Variants in GALNTL6 observed in about 807,000 individuals in gnomAD.
The protein encoded by GALNTL6 is polypeptide N-acetylgalactosaminyltransferase like 6, also known as polypeptide N-acetylgalactosaminyltransferase-like 6.
Under a neutral mutation model 73.7 loss-of-function variants are expected in GALNTL6, and 46 were observed. The observed-to-expected ratio is 0.62, with a 90% confidence interval of 0.49 to 0.80. GALNTL6 has a LOEUF of 0.80. Ranked by LOEUF, GALNTL6 falls within the 30% of genes least tolerant of loss-of-function variation. The pLI, the probability that GALNTL6 is intolerant of heterozygous loss-of-function variation, is 0.00. For missense variants in GALNTL6, 604 were observed against 755.0 expected (o/e 0.80, Z 2.34); for synonymous variants, 259 against 263.7 (o/e 0.98, Z 0.17).
chr4:171,884,590 A>G (rs1736556251), intron 2 of GALNTL6, among the ~76,000 whole-genome samples: 1 of 151,836 alleles, frequency 6.6e-6, no homozygotes, highest in Non-Finnish European at 1.5e-5. Context: ...GAAGATATAC[A>G]TATTCATTTC....
chr4:172,339,014 C>T (rs1741446290), intron 4 of GALNTL6, among the ~76,000 whole-genome samples: 2 of 152,110 alleles, frequency 1.3e-5, no homozygotes, highest in Admixed American at 1.3e-4. Flanking sequence ...GGTGGACACT[C>T]AGGCTGTTGA....
In GALNTL6 at chr4:172,170,484, C is replaced by G. The variant is rs547530345; in HGVS notation, c.139-59172C>G. ...AAACCTCTTCCCTTTATAAATTACC[C>G]AGTCCCTGGAAGTTTCTTTGGTGGT... is the stretch of plus-strand genomic sequence containing the variant. On this transcript the variant is annotated intron_variant, in intron 2 of 12. Coordinates refer to ENST00000506823, the MANE Select transcript of GALNTL6 (RefSeq NM_001034845.3). 3.9e-4 allele frequency among the ~76,000 whole-genome samples: 59 copies of G among 150,986 alleles called. 1 individual carries two copies. The East Asian group carries it at 0.011, about 28-fold the overall frequency.
At chr4:172,618,394 C>T (rs115377658) in intron 5 of GALNTL6, among the ~76,000 whole-genome samples, 2,390 of 152,206 alleles carry the variant, frequency 0.016, 78 homozygotes, top group African/African-American at 0.053. Context: ...AGAGTGCTTC[C>T]GTAAAAACAT....
chr4:172,026,929 C>T (rs775750052), intron 2 of GALNTL6, among the ~76,000 whole-genome samples: 4 of 152,024 alleles, frequency 2.6e-5, no homozygotes, highest in Non-Finnish European at 5.9e-5. Flanking sequence ...TCACCTTTCA[C>T]CCAGGCTGGA....
intron 5 of GALNTL6, among the ~76,000 whole-genome samples, chr4:172,383,411 A>T (rs992453203): frequency 6.6e-6 from 1 of 152,052 alleles, no homozygotes; most frequent in Non-Finnish European, 1.5e-5. Context: ...TAGACTTTTC[A>T]TTACTAATGT....
chr4:172,716,827 A>G (rs1407503762), intron 5 of GALNTL6, among the ~76,000 whole-genome samples: 2 of 152,248 alleles, frequency 1.3e-5, no homozygotes, highest in African/African-American at 2.4e-5. Context: ...AAGTCTCACT[A>G]TGGAAAAGAC....
At chr4:172,073,107 C>T (rs1159186263) in intron 2 of GALNTL6, among the ~76,000 whole-genome samples, 2 of 152,106 alleles carry the variant, frequency 1.3e-5, no homozygotes, top group Admixed American at 1.3e-4. Context: ...TGCTTGAAGT[C>T]ATCTTTTTCC....
At chr4:172,417,249 T>A (rs548385045) in intron 5 of GALNTL6, among the ~76,000 whole-genome samples, 3 of 152,076 alleles carry the variant, frequency 2.0e-5, no homozygotes, top group Non-Finnish European at 4.4e-5. Flanking sequence ...GCTGTTCTTT[T>A]TGTTTCTTTC....
At chr4:172,324,712 G>A (rs1740884675) in intron 4 of GALNTL6, among the ~76,000 whole-genome samples, 1 of 150,834 alleles carries the variant, frequency 6.6e-6, no homozygotes, top group South Asian at 2.1e-4. Context: ...AATTTCAGTG[G>A]ATTGAAGTAA....
chr4:172,950,276 C>T (rs973518927), intron 9 of GALNTL6, among the ~76,000 whole-genome samples: 5 of 152,120 alleles, frequency 3.3e-5, no homozygotes, highest in Admixed American at 6.5e-5. Context: ...GCAATGCTGA[C>T]GGGATGGTAG....
intron 2 of GALNTL6, among the ~76,000 whole-genome samples, chr4:172,136,272 A>T (rs1733633647): frequency 6.6e-6 from 1 of 152,086 alleles, no homozygotes; most frequent in South Asian, 2.1e-4. Flanking sequence ...GACTTTGTAA[A>T]ATTGGATTAA....
At chr4:172,576,552 G>A (rs533848649) in intron 5 of GALNTL6, among the ~76,000 whole-genome samples, 1 of 152,210 alleles carries the variant, frequency 6.6e-6, no homozygotes, top group South Asian at 2.1e-4. Context: ...CATTTGTTAA[G>A]CTCCATGATT....
intron 2 of GALNTL6, among the ~76,000 whole-genome samples, chr4:171,871,946 C>T (rs977021173): frequency 2.6e-5 from 4 of 152,098 alleles, no homozygotes; most frequent in Admixed American, 6.6e-5. Context: ...AGTGTTGCAC[C>T]CTCCACAATG....
intron 5 of GALNTL6, among the ~76,000 whole-genome samples, chr4:172,767,414 G>A (rs1184632409): frequency 6.6e-6 from 1 of 152,128 alleles, no homozygotes; most frequent in Non-Finnish European, 1.5e-5. Context: ...GAACTTTACT[G>A]TATTGCATGC....
intron 8 of GALNTL6, among the ~76,000 whole-genome samples, chr4:172,912,565 A>T (rs1747268260): frequency 6.6e-6 from 1 of 152,196 alleles, no homozygotes. Flanking sequence ...CCAGGAGATT[A>T]TATCCCATGC....
chr4:172,712,644 T>C (rs1734781119), intron 5 of GALNTL6, among the ~76,000 whole-genome samples: 1 of 152,148 alleles, frequency 6.6e-6, no homozygotes, highest in African/African-American at 2.4e-5. Context: ...TAAAACAAGT[T>C]ACCATGTGAG....
chr4:172,057,727 AATATATATAT>A (rs147660032), intron 2 of GALNTL6, among the ~76,000 whole-genome samples: 24 of 46,154 alleles, frequency 5.2e-4, no homozygotes, highest in African/African-American at 1.5e-3. Flanking sequence ...AAAAAAAAAA[AATATATATAT>A]ATATATATAT....
At chr4:172,897,509 G>A (rs191272691) in intron 8 of GALNTL6, among the ~76,000 whole-genome samples, 12 of 152,282 alleles carry the variant, frequency 7.9e-5, no homozygotes, top group Admixed American at 3.3e-4. Context: ...ATAAGCTAAC[G>A]TGCGAGGGTC....
At chr4:172,751,000 T>G (rs1330514960) in intron 5 of GALNTL6, among the ~76,000 whole-genome samples, 4 of 152,144 alleles carry the variant, frequency 2.6e-5, no homozygotes, top group Admixed American at 6.6e-5. Context: ...ATCTTATATG[T>G]GGGTTGTGAA....
Sources: allele counts gnomAD v4.1 joint callset (sites outside exome capture counted in the v4.1 genomes callset), GRCh38; gene constraint gnomAD v4.1.1; transcripts MANE v1.5; gene names NCBI Gene and HGNC (gene_info 2026-07-23, HGNC 2026-07-21).